LHFPL3: variants seen among roughly 807,000 people sequenced by gnomAD.
LHFPL3 encodes LHFPL tetraspan subfamily member 3 protein.
A neutral mutation model predicts 19.3 loss-of-function variants in LHFPL3; 5 were observed. The observed-to-expected ratio is 0.26, with a 90% CI of 0.14 to 0.54. LHFPL3 has a LOEUF of 0.54. Among genes scored for constraint, LHFPL3 ranks in the 20% least tolerant of loss-of-function variants. LHFPL3 has a pLI of 0.94. For missense variants in LHFPL3, 249 were observed against 307.4 expected (o/e 0.81, Z 1.42); for synonymous variants, 133 against 126.2 (o/e 1.05, Z -0.36).
At chr7:104,696,149 A>G (rs974451299) in intron 1 of LHFPL3, among the ~76,000 whole-genome samples, 2 of 152,212 alleles carry the variant, frequency 1.3e-5, no homozygotes, top group African/African-American at 2.4e-5. Flanking sequence ...ACAGGGTTTC[A>G]CCATATTGGC....
chr7:104,365,797 A>AAG lies in LHFPL3; in HGVS notation c.445+36574_445+36575insGA, dbSNP rs1554381873. Among the ~76,000 whole-genome samples, 14 of 125,968 alleles carry AAG rather than the reference A, an allele frequency of 1.1e-4. 1 individual carries two copies. The highest frequency in any genetic ancestry group is 1.0e-3 in the East Asian group (4 of 3,922). The allele number at this position is 125,968 out of a possible 152,430, so 82.6% of individuals were successfully genotyped here. A position where few individuals can be genotyped will look rare whatever the true frequency, so the allele number is the denominator to read the frequency against. On this transcript the variant is annotated intron_variant, in intron 1 of 2. Transcript: ENST00000424859. ...AGCGAGACTCCGTCTCAAAAAAAAAAAAAAAAAAGAAAAGCCTCTTTCCAG... is the reference window on the plus strand; with the variant it reads ...AGCGAGACTCCGTCTCAAAAAAAAAAAGAAAAAAAAGAAAAGCCTCTTTCCAG...
intron 1 of LHFPL3, among the ~76,000 whole-genome samples, chr7:104,598,846 A>G (rs1281909278): frequency 6.6e-6 from 1 of 152,202 alleles, no homozygotes; most frequent in Non-Finnish European, 1.5e-5. Flanking sequence ...TCTTCAGTTA[A>G]TAATGTAAAA....
chr7:104,838,902 TAA>T (rs1356624481), intron 2 of LHFPL3, among the ~76,000 whole-genome samples: 3 of 152,268 alleles, frequency 2.0e-5, no homozygotes, highest in Non-Finnish European at 4.4e-5. Context: ...TTCATGTTTT[TAA>T]AAGTCACTTT....
At chr7:104,674,336 G>T (rs12705260) in intron 1 of LHFPL3, among the ~76,000 whole-genome samples, 20,862 of 150,416 alleles carry the variant, frequency 0.14, 1,574 homozygotes, top group Non-Finnish European at 0.17. Context: ...TAAATTTGAA[G>T]TGGGAAAGGG....
intron 1 of LHFPL3, among the ~76,000 whole-genome samples, chr7:104,612,996 G>A (rs187838985): frequency 6.6e-6 from 1 of 152,316 alleles, no homozygotes; most frequent in Admixed American, 6.5e-5. Context: ...ACAAATATGT[G>A]AAGAACTGTA....
At chr7:104,388,031 G>T (rs1790984265) in intron 1 of LHFPL3, among the ~76,000 whole-genome samples, 1 of 152,150 alleles carries the variant, frequency 6.6e-6, no homozygotes, top group Non-Finnish European at 1.5e-5. Flanking sequence ...TTATAAGTGA[G>T]AACATGTGGT....
intron 1 of LHFPL3, among the ~76,000 whole-genome samples, chr7:104,596,620 A>G (rs1790866376): frequency 6.6e-6 from 1 of 152,248 alleles, no homozygotes; most frequent in African/African-American, 2.4e-5. Flanking sequence ...CACATGAATA[A>G]CAAAACATAG....
intron 1 of LHFPL3, among the ~76,000 whole-genome samples, chr7:104,603,102 C>CTTTCTT (rs1791009401): frequency 1.5e-5 from 2 of 135,760 alleles, no homozygotes; most frequent in Non-Finnish European, 3.1e-5. Context: ...TTCTTTCTTT[C>CTTTCTT]TTTCTTTCTT....
chr7:104,535,996 A>G (rs146665929), intron 1 of LHFPL3, among the ~76,000 whole-genome samples: 259 of 152,300 alleles, frequency 1.7e-3, no homozygotes, highest in African/African-American at 5.8e-3. Context: ...GGAGTGTGCC[A>G]TCACTGCCCT....
chr7:104,341,895 A>G (rs1286133437), intron 1 of LHFPL3, among the ~76,000 whole-genome samples: 1 of 132,906 alleles, frequency 7.5e-6, no homozygotes, highest in Non-Finnish European at 1.5e-5. Flanking sequence ...AGACTGAAAA[A>G]GAATAAAAAA....
At chr7:104,383,772 G>GCT (rs1790879384) in intron 1 of LHFPL3, among the ~76,000 whole-genome samples, 1 of 152,112 alleles carries the variant, frequency 6.6e-6, no homozygotes. Context: ...AAGAAATAGT[G>GCT]CTTTTTTCTT....
chr7:104,640,813 C>A (rs1405104043), intron 1 of LHFPL3, among the ~76,000 whole-genome samples: 2 of 152,132 alleles, frequency 1.3e-5, no homozygotes, highest in Non-Finnish European at 2.9e-5. Context: ...TGCAGTTTTC[C>A]TTATTCCCTA....
intron 2 of LHFPL3, among the ~76,000 whole-genome samples, chr7:104,883,155 TAA>T (rs1026706011): frequency 1.2e-4 from 18 of 152,200 alleles, no homozygotes; most frequent in African/African-American, 4.3e-4. Context: ...AAAGAGAAAC[TAA>T]AAGAGTTTGG....
intron 1 of LHFPL3, among the ~76,000 whole-genome samples, chr7:104,343,717 T>G (rs904520601): frequency 7.9e-6 from 1 of 127,106 alleles, no homozygotes; most frequent in Non-Finnish European, 1.6e-5. Context: ...TACATTTGTG[T>G]GTATGGCTTG....
intron 2 of LHFPL3, among the ~76,000 whole-genome samples, chr7:104,777,076 C>G (rs992040643): frequency 6.6e-6 from 1 of 152,104 alleles, no homozygotes; most frequent in African/African-American, 2.4e-5. Context: ...CCTCAAGATG[C>G]CTGGAACACA....
chr7:104,421,700 G>A (rs1054982772), intron 1 of LHFPL3, among the ~76,000 whole-genome samples: 1 of 152,072 alleles, frequency 6.6e-6, no homozygotes, highest in Non-Finnish European at 1.5e-5. Context: ...GGAAGGATAA[G>A]GTAATTTGCC....
chr7:104,748,039 A>C (rs1430013290), intron 2 of LHFPL3, among the ~76,000 whole-genome samples: 1 of 152,018 alleles, frequency 6.6e-6, no homozygotes, highest in South Asian at 2.1e-4. Context: ...GATTCTGTTA[A>C]TCTATGACCT....
At chr7:104,379,646 T>G (rs1448143961) in intron 1 of LHFPL3, among the ~76,000 whole-genome samples, 1 of 152,136 alleles carries the variant, frequency 6.6e-6, no homozygotes. Flanking sequence ...TTTTTGTAGG[T>G]GCATCAGTCA....
chr7:104,890,322 G>A (rs542089011), intron 2 of LHFPL3, among the ~76,000 whole-genome samples: 1 of 152,296 alleles, frequency 6.6e-6, no homozygotes, highest in African/African-American at 2.4e-5. Flanking sequence ...GTGGTTGGGA[G>A]ATTCTCCTGC....
Sources: allele counts gnomAD v4.1 joint callset (sites outside exome capture counted in the v4.1 genomes callset), GRCh38; gene constraint gnomAD v4.1.1; transcripts MANE v1.5; gene names NCBI Gene and HGNC (gene_info 2026-07-23, HGNC 2026-07-21).